Variants in ANKRD30BL observed in about 807,000 individuals in gnomAD.
The protein encoded by ANKRD30BL is putative ankyrin repeat domain-containing protein 30B-like.
A neutral mutation model predicts 18.4 loss-of-function variants in ANKRD30BL; 20 were observed. That is an observed-to-expected ratio of 1.09 (90% confidence interval 0.77 to 1.58). The LOEUF (loss-of-function observed/expected upper bound fraction) is 1.58. Among genes scored for constraint, ANKRD30BL ranks in the 40% most tolerant of loss-of-function variants. ANKRD30BL has a pLI of 0.00. For synonymous variants in ANKRD30BL, 72 were observed against 100.9 expected (o/e 0.71, Z 1.72); for missense variants, 224 against 268.6 (o/e 0.83, Z 1.16).
intron 1 of ANKRD30BL, among the ~76,000 whole-genome samples, chr2:132,234,229 A>G (rs1279465610): frequency 6.6e-6 from 1 of 152,200 alleles, no homozygotes; most frequent in African/African-American, 2.4e-5. Context: ...CCACAAGAGA[A>G]AGAAGAAAAG....
At position 132,184,371 on chromosome 2, in the gene ANKRD30BL, T is replaced by C. The variant is rs187515064; in HGVS notation, n.442-27225A>G. On this transcript the variant is annotated intron_variant and non_coding_transcript_variant, in intron 1 of 4. Coordinates refer to the ANKRD30BL transcript ENST00000470729. ...TTTGAGTCCTCAAAACCTAGAGCAG[T>C]GCAGTTGTAAAAGGCTTTGACTGAA... is the stretch of plus-strand genomic sequence containing the variant. Among the ~76,000 whole-genome samples, 10 of 152,344 alleles carry C rather than the reference T, an allele frequency of 6.6e-5. 1 individual carries two copies. Among genetic ancestry groups the C allele is most frequent in the African/African-American group, 2.4e-4 (10 of 41,598 alleles).
intron 1 of ANKRD30BL, among the ~76,000 whole-genome samples, chr2:132,231,809 A>G (rs1242260081): frequency 6.6e-6 from 1 of 152,246 alleles, no homozygotes; most frequent in African/African-American, 2.4e-5. Flanking sequence ...CAAAGCAGCC[A>G]GGAAGCTCGA....
chr2:132,202,676 T>C (rs896786010), intron 1 of ANKRD30BL, among the ~76,000 whole-genome samples: 1 of 152,164 alleles, frequency 6.6e-6, no homozygotes, highest in African/African-American at 2.4e-5. Flanking sequence ...ATTACCTCCA[T>C]ATGTATGTAT....
At chr2:132,216,401 T>C (rs1679498718) in intron 1 of ANKRD30BL, among the ~76,000 whole-genome samples, 1 of 151,998 alleles carries the variant, frequency 6.6e-6, no homozygotes, top group South Asian at 2.1e-4. Context: ...TTCTTTGTGA[T>C]GTTTTCATTC....
intron 1 of ANKRD30BL, among the ~76,000 whole-genome samples, chr2:132,219,594 T>G (rs1355606852): frequency 1.3e-5 from 2 of 152,076 alleles, no homozygotes. Flanking sequence ...ACCATCATTT[T>G]GTAGAATCTT....
At chr2:132,248,740 C>T (rs1680570804) in intron 1 of ANKRD30BL, among the ~76,000 whole-genome samples, 2 of 151,998 alleles carry the variant, frequency 1.3e-5, no homozygotes, top group Non-Finnish European at 2.9e-5. Flanking sequence ...GCACACCTTG[C>T]AAAACAGCTT....
intron 4 of ANKRD30BL, chr2:132,152,218 G>T (rs1356676167): frequency 6.6e-6 from 1 of 152,196 alleles, no homozygotes; most frequent in Non-Finnish European, 1.5e-5. Flanking sequence ...TTAGAAAGTA[G>T]TAAAATGTCC....
At chr2:132,176,562 G>A (rs1341363643) in intron 1 of ANKRD30BL, among the ~76,000 whole-genome samples, 9 of 152,208 alleles carry the variant, frequency 5.9e-5, no homozygotes, top group African/African-American at 2.2e-4. Context: ...AGTGAGCCGA[G>A]GTTGTGCCAT....
At chr2:132,231,086 A>T in intron 1 of ANKRD30BL, among the ~76,000 whole-genome samples, 1 of 151,924 alleles carries the variant, frequency 6.6e-6, no homozygotes, top group Non-Finnish European at 1.5e-5. Flanking sequence ...CAGGTTTGAA[A>T]CACTTTTTGT....
chr2:132,228,567 C>T (rs1047434770), intron 1 of ANKRD30BL, among the ~76,000 whole-genome samples: 40 of 150,918 alleles, frequency 2.7e-4, no homozygotes, highest in Non-Finnish European at 3.8e-4. Context: ...ACATTTGGAG[C>T]GCTTTGAGGC....
chr2:132,211,868 T>C (rs545177214), intron 1 of ANKRD30BL, among the ~76,000 whole-genome samples: 1 of 152,152 alleles, frequency 6.6e-6, no homozygotes, highest in East Asian at 1.9e-4. Context: ...CAAGTGGACA[T>C]TTAGTGCGCT....
intron 1 of ANKRD30BL, among the ~76,000 whole-genome samples, chr2:132,218,617 G>C: frequency 6.6e-6 from 1 of 152,234 alleles, no homozygotes; most frequent in East Asian, 1.9e-4. Context: ...GCCTATGGTA[G>C]AAAAGGAATT....
intron 1 of ANKRD30BL, among the ~76,000 whole-genome samples, chr2:132,240,900 A>G (rs145189397): frequency 6.6e-6 from 1 of 151,418 alleles, no homozygotes; most frequent in Admixed American, 6.6e-5. Flanking sequence ...AACTGTCAGA[A>G]TTGAACCTTT....
Position 132,161,549 on chromosome 2 carries a change from T to A in ANKRD30BL, c.157A>T (p.Lys53Ter). 6.9e-7 allele frequency: 1 copy of A among 1,456,854 alleles called. No individual in the cohort carries two copies. Among genetic ancestry groups the A allele is most frequent in the Non-Finnish European group, 9.4e-7 (1 of 1,063,444 alleles). The allele number at this position is 1,456,854 out of a possible 1,614,324, so 90.2% of individuals were successfully genotyped here. The change falls in exon 1 of 6, where the codon AAG (lysine) becomes TAG (stop). Residue 53 changes from lysine (K) to a stop codon, truncating the protein, a stop_gained. Transcript: ENST00000409867. LOFTEE classifies it high-confidence loss of function. ...HKAASRGQAW[K>*]LERMMKKTTM... ...GTCTTCTTCATCATCCTCTCCAGCT[T>A]CCAGGCTTGGCCCCGGGAGGCAGCT...
chr2:132,256,453 G>A (rs1294381861), intron 1 of ANKRD30BL, among the ~76,000 whole-genome samples: 1 of 152,224 alleles, frequency 6.6e-6, no homozygotes, highest in African/African-American at 2.4e-5. Flanking sequence ...AGCCGCGAGG[G>A]ACCGGCGGCC....
rs528680050 is a variant in ANKRD30BL, at chr2:132,168,769, T to A, written n.442-11623A>T. Among the ~76,000 whole-genome samples the A allele has an allele frequency of 3.2e-3, 489 of 152,116 alleles. 5 individuals are homozygous for A. The highest frequency in any genetic ancestry group is 0.011 in the African/African-American group (451 of 41,472). On this transcript the variant is annotated intron_variant and non_coding_transcript_variant, in intron 1 of 4. Coordinates refer to the ANKRD30BL transcript ENST00000470729. Reference sequence around the variant, plus strand: ...CACAGAGAAAGTGTAACTTTGTAAGTTGATGAAAATGTTAATTGACTGTGG... The same window carrying A: ...CACAGAGAAAGTGTAACTTTGTAAGATGATGAAAATGTTAATTGACTGTGG...
At chr2:132,255,149 A>G (rs1680793445) in intron 1 of ANKRD30BL, among the ~76,000 whole-genome samples, 2 of 152,234 alleles carry the variant, frequency 1.3e-5, no homozygotes, top group African/African-American at 4.8e-5. Context: ...TTACAACGGT[A>G]TCTGATCGTC....
At chr2:132,151,761 G>T (rs1245819756) in intron 4 of ANKRD30BL, among the ~76,000 whole-genome samples, 1 of 151,460 alleles carries the variant, frequency 6.6e-6, no homozygotes, top group Non-Finnish European at 1.5e-5. Flanking sequence ...TTTATATTTT[G>T]TAATGAAATA....
At chr2:132,230,287 T>C (rs1015820873) in intron 1 of ANKRD30BL, among the ~76,000 whole-genome samples, 11 of 152,034 alleles carry the variant, frequency 7.2e-5, no homozygotes, top group African/African-American at 2.4e-4. Context: ...GAGGCCTTCA[T>C]TGGAAACGGG....
Sources: gnomAD v4.1 joint callset for allele counts (sites outside exome capture counted in the v4.1 genomes callset) on GRCh38, gnomAD v4.1.1 for gene constraint, MANE v1.5 for transcripts, NCBI Gene and HGNC (gene_info 2026-07-23, HGNC 2026-07-21) for gene names.